Variants in PLA2G4E observed in about 807,000 individuals in gnomAD.
PLA2G4E encodes phospholipase A2 group IVE.
In PLA2G4E, 84 loss-of-function variants were observed where a neutral mutation model predicts 109.1. The observed-to-expected ratio is 0.77, with a 90% confidence interval of 0.65 to 0.92. The LOEUF (loss-of-function observed/expected upper bound fraction) is 0.92, where lower values mean the gene tolerates loss of function less well. Among genes scored for constraint, PLA2G4E ranks in the 40% least tolerant of loss-of-function variants. The pLI, the probability that PLA2G4E is intolerant of heterozygous loss-of-function variation, is 0.00. For missense variants in PLA2G4E, 1,057 were observed against 1,076.6 expected, an observed-to-expected ratio of 0.98 and a Z score of 0.25; for synonymous variants, 469 against 436.1, an observed-to-expected ratio of 1.08 and a Z score of -0.94.
At chr15:42,015,118 C>A (rs1467838809) in intron 1 of PLA2G4E, among the ~76,000 whole-genome samples, 1 of 152,198 alleles carries the variant, frequency 6.6e-6, no homozygotes, top group African/African-American at 2.4e-5. Context: ...GTGTCTGGGG[C>A]AGTGGCTGTG....
intron 1 of PLA2G4E, among the ~76,000 whole-genome samples, chr15:42,048,278 ACT>A (rs1889448457): frequency 1.3e-5 from 2 of 152,118 alleles, no homozygotes; most frequent in Non-Finnish European, 2.9e-5. Context: ...GTGTGCACAC[ACT>A]CTGTGATGTT....
At chr15:42,033,038 G>A (rs1195634477) in intron 1 of PLA2G4E, among the ~76,000 whole-genome samples, 1 of 152,102 alleles carries the variant, frequency 6.6e-6, no homozygotes, top group Non-Finnish European at 1.5e-5. Flanking sequence ...TGAGTGGTAT[G>A]TTGTGTAAGT....
At chr15:42,045,396 T>A (rs2724946) in intron 1 of PLA2G4E, among the ~76,000 whole-genome samples, 1 of 151,962 alleles carries the variant, frequency 6.6e-6, no homozygotes, top group Non-Finnish European at 1.5e-5. Context: ...CCTCTGCCTC[T>A]CATGAGATGC....
chr15:42,046,872 G>A (rs1889425715), intron 1 of PLA2G4E, among the ~76,000 whole-genome samples: 1 of 152,148 alleles, frequency 6.6e-6, no homozygotes, highest in Admixed American at 6.5e-5. Context: ...CAGGAGATGC[G>A]GTGATTCAAA....
At position 41,992,704 on chromosome 15, in the gene PLA2G4E, C is replaced by T. The variant is rs1380269034; in HGVS notation, c.1470+33G>A. The stretch of plus-strand genomic sequence containing the variant: ...AAAGAGAGCCAGGCATCAGCCAGGG[C>T]AGGGTGGGGCCCAGGAGAAGCCGAG... On this transcript the variant is annotated intron_variant, in intron 13 of 19. Coordinates refer to ENST00000399518, the Ensembl canonical transcript of PLA2G4E. 1.9e-6 allele frequency: 3 copies of T among 1,598,134 alleles called. No individual in the cohort carries two copies. In the East Asian group the frequency reaches 6.7e-5, roughly 36 times the overall value.
intron 2 of PLA2G4E, chr15:42,010,365 G>C (rs1035016790): frequency 1.6e-5 from 5 of 305,092 alleles, no homozygotes; most frequent in African/African-American, 8.9e-5. Context: ...TTGGCCTAAG[G>C]CTTAAATGTC....
intron 17 of PLA2G4E, 172 bp downstream of exon 17, chr15:41,987,000 C>G (rs1232704877): frequency 9.1e-6 from 6 of 657,066 alleles, no homozygotes; most frequent in Non-Finnish European, 1.6e-5. Context: ...CAGACACATA[C>G]AGTGTTCAAG....
At chr15:42,042,037 A>T (rs895964206) in intron 1 of PLA2G4E, among the ~76,000 whole-genome samples, 2 of 151,106 alleles carry the variant, frequency 1.3e-5, no homozygotes, top group Admixed American at 6.6e-5. Flanking sequence ...GAGAGGAATC[A>T]TTGTAATTTG....
intron 1 of PLA2G4E, among the ~76,000 whole-genome samples, chr15:42,014,403 G>T (rs963608111): frequency 7.2e-5 from 11 of 152,184 alleles, no homozygotes; most frequent in Non-Finnish European, 1.6e-4. Context: ...AACGCCCATG[G>T]CAAGGGAGTC....
At chr15:42,017,871 C>G (rs1176480637) in intron 1 of PLA2G4E, among the ~76,000 whole-genome samples, 2 of 152,198 alleles carry the variant, frequency 1.3e-5, no homozygotes, top group African/African-American at 4.8e-5. Context: ...CCATAAGGGT[C>G]TTTGGAGAAG....
chr15:42,038,707 G>C (rs1566851437), intron 1 of PLA2G4E, among the ~76,000 whole-genome samples: 1 of 152,194 alleles, frequency 6.6e-6, no homozygotes, highest in Non-Finnish European at 1.5e-5. Flanking sequence ...GGGAGAATAA[G>C]AGGCTTGAAA....
chr15:41,983,650 T>C, exon 20 of PLA2G4E: 1 of 1,068,084 alleles, frequency 9.4e-7, no homozygotes, highest in Non-Finnish European at 1.3e-6. Context: ...CTCACACCCA[T>C]TGCCGGAGAG....
intron 1 of PLA2G4E, among the ~76,000 whole-genome samples, chr15:42,025,428 T>C (rs1429632481): frequency 1.3e-5 from 2 of 152,104 alleles, no homozygotes; most frequent in African/African-American, 2.4e-5. Flanking sequence ...GTTGTGCTTA[T>C]CTGGGAGGGA....
At position 42,022,902 on chromosome 15, in the gene PLA2G4E, G is replaced by A. The variant is rs1189890840; in HGVS notation, c.184-9145C>T. ...GGAAAATGGATTCCAGCTGGAGAGG[G>A]AAAGAATGGATCTGAAAAGGCCTTA... is the stretch of plus-strand genomic sequence containing the variant. On this transcript the variant is annotated intron_variant, in intron 1 of 19. Transcript: ENST00000399518. 3.3e-5 allele frequency among the ~76,000 whole-genome samples: 5 copies of A among 152,156 alleles called. No homozygotes were observed. In the East Asian group the frequency reaches 7.7e-4, roughly 23 times the overall value.
chr15:42,004,076 C>T (rs927971307), intron 5 of PLA2G4E, among the ~76,000 whole-genome samples: 9 of 152,032 alleles, frequency 5.9e-5, no homozygotes, highest in Non-Finnish European at 1.2e-4. Flanking sequence ...TTTGGGAGGC[C>T]GAGGCAGGTG....
intron 10 of PLA2G4E, chr15:41,998,305 A>C (rs1166658196): frequency 1.3e-5 from 2 of 152,222 alleles, no homozygotes; most frequent in African/African-American, 4.8e-5. Context: ...TGGCCTCAAC[A>C]GGGAATGAAT....
chr15:41,986,879 C>T, intron 17 of PLA2G4E: 2 of 430,212 alleles, frequency 4.6e-6, no homozygotes, highest in South Asian at 5.1e-5. Flanking sequence ...CCCCCTGTTT[C>T]CCCATCTGTA....
intron 1 of PLA2G4E, among the ~76,000 whole-genome samples, chr15:42,039,270 T>C (rs745516467): frequency 6.6e-6 from 1 of 152,196 alleles, no homozygotes; most frequent in Non-Finnish European, 1.5e-5. Flanking sequence ...GCTCAAAAAT[T>C]TCATTTAAAA....
At chr15:42,020,850 G>A (rs2068641607) in intron 1 of PLA2G4E, among the ~76,000 whole-genome samples, 85 bp downstream of exon 1, 1 of 152,122 alleles carries the variant, frequency 6.6e-6, no homozygotes, top group African/African-American at 2.4e-5. Flanking sequence ...CCTGCTCTCA[G>A]CTCCCTGCCC....
Sources: gnomAD v4.1 joint callset for allele counts (sites outside exome capture counted in the v4.1 genomes callset) on GRCh38, gnomAD v4.1.1 for gene constraint, MANE v1.5 for transcripts, NCBI Gene and HGNC (gene_info 2026-07-23, HGNC 2026-07-21) for gene names.